GMDS: variants seen among roughly 807,000 people sequenced by gnomAD.
GMDS encodes the protein GDP-mannose 4,6-dehydratase.
In GMDS, 20 loss-of-function variants were observed where a neutral mutation model predicts 49.9. The observed-to-expected ratio is 0.40, with a 90% CI of 0.28 to 0.58. GMDS has a LOEUF of 0.58. GMDS is among the 20% of genes least tolerant of loss of function. The probability of loss-of-function intolerance (pLI) is 0.42; values close to 1 mark genes in which losing one functional copy is unlikely to be tolerated. For missense variants in GMDS, 362 were observed against 481.4 expected (o/e 0.75, Z 2.32); for synonymous variants, 177 against 178.6 (o/e 0.99, Z 0.07).
intron 1 of GMDS, among the ~76,000 whole-genome samples, chr6:2,228,623 A>G (rs1780929278): frequency 6.6e-6 from 1 of 152,228 alleles, no homozygotes; most frequent in Non-Finnish European, 1.5e-5. Context: ...CTTGGAAATC[A>G]GCTATTTAAA....
intron 7 of GMDS, among the ~76,000 whole-genome samples, chr6:1,894,723 ACAATCATTTTTTT>A (rs1267034402): frequency 6.6e-6 from 1 of 152,244 alleles, no homozygotes; most frequent in African/African-American, 2.4e-5. Flanking sequence ...GGATGGTAAT[ACAATCATTTTTTT>A]AAAAAATTCT....
At chr6:1,969,581 C>T (rs1581438784) in intron 4 of GMDS, among the ~76,000 whole-genome samples, 2 of 152,280 alleles carry the variant, frequency 1.3e-5, no homozygotes, top group Admixed American at 1.3e-4. Flanking sequence ...TTTGCCTCTT[C>T]AGTCCCGTAT....
intron 7 of GMDS, among the ~76,000 whole-genome samples, chr6:1,825,945 G>C (rs527375176): frequency 8.2e-4 from 125 of 152,292 alleles, no homozygotes; most frequent in Non-Finnish European, 7.6e-4. Context: ...GAACCTAGGA[G>C]GGGGAGGTGG....
intron 9 of GMDS, among the ~76,000 whole-genome samples, chr6:1,636,043 G>A (rs1334015680): frequency 6.6e-6 from 1 of 152,198 alleles, no homozygotes; most frequent in Non-Finnish European, 1.5e-5. Context: ...ACAGAAAAGA[G>A]ACATTCCCAG....
intron 4 of GMDS, among the ~76,000 whole-genome samples, chr6:2,065,894 A>G (rs1237969789): frequency 6.6e-6 from 1 of 152,196 alleles, no homozygotes; most frequent in Non-Finnish European, 1.5e-5. Context: ...AGGCAGGCCA[A>G]CATTCAGGTT....
At chr6:1,976,614 T>C (rs1764917529) in intron 4 of GMDS, among the ~76,000 whole-genome samples, 1 of 151,580 alleles carries the variant, frequency 6.6e-6, no homozygotes, top group Non-Finnish European at 1.5e-5. Context: ...ACAAACCTGA[T>C]ATAAGCATAT....
At chr6:1,992,368 C>T (rs909679040) in intron 4 of GMDS, among the ~76,000 whole-genome samples, 7 of 152,280 alleles carry the variant, frequency 4.6e-5, no homozygotes, top group African/African-American at 1.4e-4. Flanking sequence ...TGATCATCCA[C>T]TCCTCCCTCC....
rs1779040033 is a variant in GMDS, at chr6:2,191,962, C to T, written c.102+53359G>A. On this transcript the variant is annotated intron_variant, in intron 1 of 10. Transcript: ENST00000380815. This position sits in a 1 kb window ranked among gnomAD's most constrained non-coding sequence, Gnocchi z 4.6. ...GGCCTGCCCATGACCACCCATGGAC[C>T]AACTGGCACACACTTCCTCCACTCT... Among the ~76,000 whole-genome samples, 1 of 152,170 alleles carries T rather than the reference C, an allele frequency of 6.6e-6. No homozygotes were observed. The highest frequency in any genetic ancestry group is 6.5e-5 in the Admixed American group (1 of 15,278).
chr6:1,864,139 A>C (rs554529789), intron 7 of GMDS, among the ~76,000 whole-genome samples: 1 of 152,332 alleles, frequency 6.6e-6, no homozygotes, highest in Admixed American at 6.5e-5. Context: ...ATAAATATCA[A>C]GAATTATTTC....
intron 4 of GMDS, among the ~76,000 whole-genome samples, chr6:2,067,591 C>T (rs569979148): frequency 6.6e-5 from 10 of 151,108 alleles, no homozygotes; most frequent in Admixed American, 3.3e-4. Flanking sequence ...ATATCACCAC[C>T]GATCCCACAG....
intron 7 of GMDS, among the ~76,000 whole-genome samples, chr6:1,769,737 C>A (rs1273278495): frequency 6.6e-6 from 1 of 151,584 alleles, no homozygotes; most frequent in East Asian, 1.9e-4. Context: ...GAGTCTTGCA[C>A]TGTCACCCAG....
chr6:1,974,807 G>T lies in GMDS; in HGVS notation c.346-13841C>A, dbSNP rs192659659. Among the ~76,000 whole-genome samples the T allele has an allele frequency of 6.2e-4, 94 of 150,664 alleles. 1 individual carries two copies. In the East Asian group the frequency reaches 0.018, roughly 29 times the overall value. ...GCACTTTGGGAGGCCGAGGCGGGCA[G>T]ATCACCTGAGGTCAGGAGTTCAAGA... On this transcript the variant is annotated intron_variant, in intron 4 of 10. Coordinates refer to ENST00000380815, the MANE Select transcript of GMDS (RefSeq NM_001500.4).
intron 9 of GMDS, among the ~76,000 whole-genome samples, chr6:1,646,846 T>C (rs143514612): frequency 2.0e-3 from 304 of 152,294 alleles, no homozygotes; most frequent in African/African-American, 7.0e-3. Flanking sequence ...GAGGAATTCA[T>C]TGAATGCCTG....
intron 9 of GMDS, among the ~76,000 whole-genome samples, chr6:1,716,885 C>G (rs114668292): frequency 6.6e-6 from 1 of 152,218 alleles, no homozygotes. Flanking sequence ...GGCTCAAGTA[C>G]GACCTGTCCT....
At chr6:1,697,875 C>T (rs760422325) in intron 9 of GMDS, among the ~76,000 whole-genome samples, 1 of 152,194 alleles carries the variant, frequency 6.6e-6, no homozygotes, top group Non-Finnish European at 1.5e-5. Flanking sequence ...TCAAACTGAA[C>T]GGGGAAAATA....
chr6:1,808,904 C>CTGTGTGTG lies in GMDS; in HGVS notation c.772-66326_772-66319dup, dbSNP rs35317273. Among the ~76,000 whole-genome samples the CTGTGTGTG allele has an allele frequency of 1.9e-3, 282 of 149,414 alleles. 1 individual carries two copies. The highest frequency in any genetic ancestry group is 7.0e-3 in the Middle Eastern group (2 of 286). ...TTCTTTGCACTAGTGCATGCTCTCT[C>CTGTGTGTG]TGTGTGTGTGTGTGTGTGTGTGTAC... is the stretch of plus-strand genomic sequence containing the variant. On this transcript the variant is annotated intron_variant, in intron 7 of 10. Transcript: ENST00000380815.
chr6:1,732,898 A>C (rs1766867092), intron 8 of GMDS, among the ~76,000 whole-genome samples: 1 of 152,192 alleles, frequency 6.6e-6, no homozygotes, highest in Non-Finnish European at 1.5e-5. Flanking sequence ...AGAATTACAA[A>C]TGTGAGCTTT....
intron 1 of GMDS, among the ~76,000 whole-genome samples, chr6:2,216,648 C>T (rs1201155697): frequency 4.6e-5 from 7 of 152,174 alleles, no homozygotes; most frequent in Non-Finnish European, 7.3e-5. Flanking sequence ...GCACTTGAGC[C>T]CAGGAGTTCA....
At chr6:2,227,101 A>T (rs983763639) in intron 1 of GMDS, among the ~76,000 whole-genome samples, 1 of 152,170 alleles carries the variant, frequency 6.6e-6, no homozygotes, top group Non-Finnish European at 1.5e-5. Flanking sequence ...CTGAAACTTT[A>T]TATCCTCCTA....
Sources: allele counts gnomAD v4.1 joint callset (sites outside exome capture counted in the v4.1 genomes callset), GRCh38; gene constraint gnomAD v4.1.1; non-coding constraint Gnocchi (gnomAD v3.1); transcripts MANE v1.5; gene names NCBI Gene and HGNC (gene_info 2026-07-23, HGNC 2026-07-21).